The following CPED1 variants were observed in gnomAD, a reference collection of about 807,000 sequenced individuals.
The protein encoded by CPED1 is cadherin like and PC-esterase domain containing 1.
CPED1 carries 114 observed loss-of-function variants against 128.2 expected under a neutral mutation model. The observed-to-expected ratio is 0.89, with a 90% CI of 0.76 to 1.04. CPED1 has a LOEUF of 1.04. Ranked by LOEUF, CPED1 falls within the 50% of genes least tolerant of loss-of-function variation. CPED1 has a pLI of 0.00. For synonymous variants in CPED1, 462 were observed against 426.7 expected (o/e 1.08, Z -1.02); for missense variants, 1,211 against 1,207.1 (o/e 1.00, Z -0.05).
chr7:121,074,515 T>TTTTTTTTG (rs1554430616), intron 5 of CPED1, among the ~76,000 whole-genome samples: 1 of 141,950 alleles, frequency 7.0e-6, no homozygotes, highest in African/African-American at 2.6e-5. Flanking sequence ...TTGTGTTTTT[T>TTTTTTTTG]TTTTTTTTTT....
At chr7:121,046,030 T>A (rs888270072) in intron 3 of CPED1, among the ~76,000 whole-genome samples, 2 of 152,030 alleles carry the variant, frequency 1.3e-5, no homozygotes, top group Non-Finnish European at 2.9e-5. Flanking sequence ...GATCTATATC[T>A]ATATGTAGAT....
At position 121,100,002 on chromosome 7, in the gene CPED1, G is replaced by A. The variant is rs756765281; in HGVS notation, c.826G>A (p.Val276Met). The A allele has an allele frequency of 3.7e-6, 6 of 1,613,386 alleles. No individual in the cohort carries two copies. The highest frequency in any genetic ancestry group is 3.3e-5 in the South Asian group (3 of 91,062). Residue 276 changes from valine to methionine, a missense_variant, in exon 7 of 23, where the codon GTG becomes ATG. Val to Met is a conservative substitution (Grantham distance 21). Coordinates refer to ENST00000310396, the MANE Select transcript of CPED1 (RefSeq NM_024913.5). ...TCTATCTGTGATTCTTAAAGCGTAT[G>A]TGTTGGTGACGTCCTTAACCCCTTT... is the stretch of plus-strand genomic sequence containing the variant. ...EDLSVILKAY[V>M]LVTSLTPLRA...
chr7:121,248,302 C>T (rs144920603), intron 18 of CPED1, among the ~76,000 whole-genome samples: 22 of 152,242 alleles, frequency 1.4e-4, no homozygotes, highest in East Asian at 5.8e-4. Flanking sequence ...ATCTCCTTGC[C>T]GGAGCCTCTG....
At chr7:121,134,351 C>G (rs951122386) in intron 13 of CPED1, among the ~76,000 whole-genome samples, 12 of 152,026 alleles carry the variant, frequency 7.9e-5, no homozygotes, top group African/African-American at 2.9e-4. Context: ...ACCCCATAAT[C>G]TCACTCATGT....
chr7:121,062,519 AG>A (rs1326054497), intron 4 of CPED1, among the ~76,000 whole-genome samples: 2 of 152,350 alleles, frequency 1.3e-5, no homozygotes, highest in African/African-American at 4.8e-5. Context: ...TGAAGAATTC[AG>A]GGTTTATGAA....
At chr7:121,090,930 A>G (rs1451619653) in intron 5 of CPED1, among the ~76,000 whole-genome samples, 1 of 152,170 alleles carries the variant, frequency 6.6e-6, no homozygotes, top group East Asian at 1.9e-4. Flanking sequence ...AGCCTGAGTG[A>G]CAGAGTGAGA....
At chr7:121,215,131 C>T (rs1797732329) in intron 16 of CPED1, among the ~76,000 whole-genome samples, 1 of 151,980 alleles carries the variant, frequency 6.6e-6, no homozygotes, top group Admixed American at 6.6e-5. Flanking sequence ...TGTTCCGATG[C>T]CATACATTTA....
intron 2 of CPED1, among the ~76,000 whole-genome samples, chr7:121,012,996 T>G (rs955159827): frequency 1.2e-4 from 18 of 152,190 alleles, no homozygotes; most frequent in Admixed American, 1.2e-3. Context: ...TGAAATCCCT[T>G]TTGTACTTGA....
chr7:121,123,545 A>G (rs763208197), intron 7 of CPED1, among the ~76,000 whole-genome samples: 2 of 152,196 alleles, frequency 1.3e-5, no homozygotes, highest in Non-Finnish European at 2.9e-5. Flanking sequence ...TATTTTTAAA[A>G]AATATTCACT....
chr7:121,041,817 T>C (rs1793061417), intron 3 of CPED1, among the ~76,000 whole-genome samples: 1 of 152,198 alleles, frequency 6.6e-6, no homozygotes, highest in South Asian at 2.1e-4. Flanking sequence ...ATAAAAACTA[T>C]AGTCAGTGCC....
At chr7:121,266,581 C>G in intron 19 of CPED1, 126 bp from the exon 20 acceptor site, 1 of 1,169,836 alleles carries the variant, frequency 8.5e-7, no homozygotes, top group Non-Finnish European at 1.3e-6. Context: ...CAGCAGAAAA[C>G]AAGTTGGAAA....
intron 18 of CPED1, among the ~76,000 whole-genome samples, chr7:121,256,110 GCAAAAAAAAAAAACAAAA>G (rs1264739272): frequency 1.7e-4 from 5 of 28,772 alleles, no homozygotes; most frequent in Non-Finnish European, 2.7e-4. Flanking sequence ...GCAATCCTAA[GCAAAAAAAAAAAACAAAA>G]CAAAAAAAAA....
At chr7:121,227,635 G>A (rs1320605474) in intron 16 of CPED1, among the ~76,000 whole-genome samples, 2 of 152,036 alleles carry the variant, frequency 1.3e-5, no homozygotes, top group Admixed American at 6.6e-5. Context: ...AGCGGCAGAG[G>A]TCTAAAGTGA....
intron 4 of CPED1, among the ~76,000 whole-genome samples, chr7:121,063,199 A>G (rs2116047416): frequency 6.6e-6 from 1 of 152,222 alleles, no homozygotes; most frequent in South Asian, 2.1e-4. Context: ...TTTGCTGAAC[A>G]CATGAACAGG....
chr7:121,133,856 A>G lies in CPED1; in HGVS notation c.1611A>G (p.Lys537=), dbSNP rs754183031. The G allele has an allele frequency of 6.2e-7, 1 of 1,601,484 alleles. No individual in the cohort carries two copies. The highest frequency in any genetic ancestry group is 8.5e-7 in the Non-Finnish European group (1 of 1,171,692). The change falls in exon 13 of 23, where the codon AAA becomes AAG. Residue 537 remains lysine (K), a synonymous_variant. Coordinates refer to ENST00000310396, the MANE Select transcript of CPED1 (RefSeq NM_024913.5). ...TCACAGAAGATAAGAACATTGAAAA[A>G]CCACAAGTGCCATTTGATGCAATAG... is the stretch of plus-strand genomic sequence containing the variant. The part of the protein sequence containing the change: ...NSFTEDKNIE[K]PQVPFDAIEN...
intron 22 of CPED1, among the ~76,000 whole-genome samples, chr7:121,280,474 G>C (rs1006970720): frequency 1.3e-5 from 2 of 152,198 alleles, no homozygotes; most frequent in Non-Finnish European, 2.9e-5. Flanking sequence ...AGCTGTCAGA[G>C]TAAGAAGGGC....
chr7:121,001,673 C>T (rs1401261658), intron 2 of CPED1, among the ~76,000 whole-genome samples: 1 of 152,078 alleles, frequency 6.6e-6, no homozygotes, highest in Non-Finnish European at 1.5e-5. Context: ...GAAACAGATC[C>T]TGCCGTGACC....
chr7:121,132,307 G>A (rs1795689519), intron 12 of CPED1, among the ~76,000 whole-genome samples: 1 of 152,028 alleles, frequency 6.6e-6, no homozygotes, highest in South Asian at 2.1e-4. Flanking sequence ...CCAGTGCTTT[G>A]GTCCAGGGCT....
intron 3 of CPED1, among the ~76,000 whole-genome samples, chr7:121,037,086 ATTGTCTGTT>A (rs1425681868): frequency 4.0e-5 from 6 of 151,762 alleles, no homozygotes; most frequent in Non-Finnish European, 8.8e-5. Context: ...CCCTCTGTGG[ATTGTCTGTT>A]AATTCTGCTG....
Sources: gnomAD v4.1 joint callset for allele counts (sites outside exome capture counted in the v4.1 genomes callset) on GRCh38, gnomAD v4.1.1 for gene constraint, MANE v1.5 for transcripts, NCBI Gene and HGNC (gene_info 2026-07-23, HGNC 2026-07-21) for gene names.